The following ATXN1 variants were observed in gnomAD, a reference collection of about 807,000 sequenced individuals.
ATXN1 encodes ataxin 1.
A neutral mutation model predicts 56.4 loss-of-function variants in ATXN1; 8 were observed. The ratio of observed to expected loss-of-function variants is 0.14; its 90% CI spans 0.08 to 0.26. The LOEUF is 0.26. Ranked by LOEUF, ATXN1 falls within the 10% of genes least tolerant of loss-of-function variation. The probability of loss-of-function intolerance (pLI) is 1.00; values close to 1 mark genes in which losing one functional copy is unlikely to be tolerated. For missense variants in ATXN1, 987 were observed against 1,106.5 expected (o/e 0.89, Z 1.53); for synonymous variants, 514 against 494.6 (o/e 1.04, Z -0.52).
Position 16,442,441 on chromosome 6 carries a change from C to T in ATXN1, c.-161+43531G>A, listed in dbSNP as rs569373153. 1.3e-4 allele frequency among the ~76,000 whole-genome samples: 19 copies of T among 151,114 alleles called. No homozygotes were observed. In the South Asian group the frequency reaches 3.3e-3, roughly 27 times the overall value. ...GAAACAATATTACATATAGCCAGAACGATATAATGACTATGTGCCCTGACA... is the reference window on the plus strand; with the variant it reads ...GAAACAATATTACATATAGCCAGAATGATATAATGACTATGTGCCCTGACA... On this transcript the variant is annotated intron_variant, in intron 6 of 7. Transcript: ENST00000436367.
At chr6:16,451,791 A>T (rs1759759146) in intron 6 of ATXN1, among the ~76,000 whole-genome samples, 1 of 152,148 alleles carries the variant, frequency 6.6e-6, no homozygotes, top group African/African-American at 2.4e-5. Flanking sequence ...TATAGTTGAA[A>T]GAAACGTGGA....
At position 16,584,243 on chromosome 6, in the gene ATXN1, TACACACACAC is replaced by T. The variant is rs368108414; in HGVS notation, c.-361+1527_-361+1536del. Among the ~76,000 whole-genome samples, 165 of 118,508 alleles carry T rather than the reference TACACACACAC, an allele frequency of 1.4e-3. 2 individuals carry two copies. The highest frequency in any genetic ancestry group is 5.2e-3 in the African/African-American group (157 of 30,298). The allele number at this position is 118,508 out of a possible 152,430, so 77.7% of individuals were successfully genotyped here. ...TTGGACATATATATATATATATATA[TACACACACAC>T]ACACACACACACACACACATATACA... On this transcript the variant is annotated intron_variant, in intron 4 of 7. Coordinates refer to ENST00000436367, the MANE Select transcript of ATXN1 (RefSeq NM_001128164.2).
chr6:16,454,093 C>A (rs914103441), intron 6 of ATXN1, among the ~76,000 whole-genome samples: 1 of 135,806 alleles, frequency 7.4e-6, no homozygotes, highest in Non-Finnish European at 1.5e-5. Context: ...TGGCTGGACT[C>A]CAGCCTGGGC....
chr6:16,692,591 T>C (rs1396107108), intron 2 of ATXN1, among the ~76,000 whole-genome samples: 1 of 152,212 alleles, frequency 6.6e-6, no homozygotes, highest in African/African-American at 2.4e-5. Context: ...AAACATTTCA[T>C]ATAATTTTGG....
At chr6:16,696,493 G>T (rs1359067) in intron 2 of ATXN1, among the ~76,000 whole-genome samples, 103,162 of 152,062 alleles carry the variant, frequency 0.68, 35,152 homozygotes, top group African/African-American at 0.76. Flanking sequence ...GATTTCTGCC[G>T]GAAAATGTTG....
intron 3 of ATXN1, among the ~76,000 whole-genome samples, chr6:16,636,938 C>T (rs991771594): frequency 1.3e-5 from 2 of 152,136 alleles, no homozygotes; most frequent in African/African-American, 2.4e-5. Context: ...GACAGTGTGG[C>T]GATTCCTCAA....
intron 6 of ATXN1, among the ~76,000 whole-genome samples, chr6:16,417,059 T>G (rs1438232261): frequency 6.6e-6 from 1 of 152,282 alleles, no homozygotes; most frequent in Non-Finnish European, 1.5e-5. Context: ...AGAGATGAGG[T>G]TTTGCTCTGT....
chr6:16,671,518 T>C (rs1758541978), intron 2 of ATXN1, among the ~76,000 whole-genome samples: 1 of 152,176 alleles, frequency 6.6e-6, no homozygotes, highest in African/African-American at 2.4e-5. Flanking sequence ...ACAGTTAACA[T>C]TTATTGAGCA....
chr6:16,354,766 C>G (rs1561864656), intron 6 of ATXN1, among the ~76,000 whole-genome samples: 1 of 152,192 alleles, frequency 6.6e-6, no homozygotes, highest in African/African-American at 2.4e-5. Context: ...TGCCTGACAT[C>G]CTCTCTGGGT....
In ATXN1 at chr6:16,301,901, T is replaced by C. The variant is rs1034053223; in HGVS notation, c.*4428A>G. On this transcript the variant is annotated 3_prime_UTR_variant, in exon 8 of 8. Transcript: ENST00000436367. ...TCTCTATGAAAGAAATAGGTTTCCTTAGTAGTCACAGATGTTAAAGGGTAT... is the reference window on the plus strand; with the variant it reads ...TCTCTATGAAAGAAATAGGTTTCCTCAGTAGTCACAGATGTTAAAGGGTAT... 2.0e-5 allele frequency: 3 copies of C among 152,786 alleles called. No homozygotes were observed. Among genetic ancestry groups the C allele is most frequent in the Non-Finnish European group, 2.9e-5 (2 of 68,078 alleles). 9.5% of individuals were successfully genotyped at this position (152,786 alleles called of 1,614,324 possible).
chr6:16,725,300 G>A (rs988323613), intron 2 of ATXN1, among the ~76,000 whole-genome samples: 1 of 152,164 alleles, frequency 6.6e-6, no homozygotes, highest in Non-Finnish European at 1.5e-5. Flanking sequence ...CCGATACTGC[G>A]TGTTTTCATT....
At chr6:16,635,707 G>C (rs2113814759) in intron 3 of ATXN1, among the ~76,000 whole-genome samples, 1 of 152,314 alleles carries the variant, frequency 6.6e-6, no homozygotes, top group Non-Finnish European at 1.5e-5. Context: ...AAATATGTCT[G>C]AATCTGCAGA....
At chr6:16,431,275 T>C (rs1759278933) in intron 6 of ATXN1, among the ~76,000 whole-genome samples, 2 of 152,200 alleles carry the variant, frequency 1.3e-5, no homozygotes, top group African/African-American at 4.8e-5. Flanking sequence ...ATCTCTTTTA[T>C]TGCAATACCA....
At chr6:16,643,827 GA>G (rs897621893) in intron 3 of ATXN1, among the ~76,000 whole-genome samples, 4 of 150,800 alleles carry the variant, frequency 2.7e-5, no homozygotes, top group Non-Finnish European at 4.4e-5. Context: ...TTATTAAGAA[GA>G]AAAAAAAATC....
intron 2 of ATXN1, among the ~76,000 whole-genome samples, chr6:16,677,888 T>A (rs1427176281): frequency 1.3e-5 from 2 of 152,232 alleles, no homozygotes; most frequent in Non-Finnish European, 2.9e-5. Flanking sequence ...CACTTGAAAT[T>A]GTTTATGCAA....
intron 2 of ATXN1, chr6:16,666,858 T>C (rs1478438697): frequency 3.9e-5 from 6 of 152,300 alleles, no homozygotes; most frequent in Non-Finnish European, 7.3e-5. Flanking sequence ...AGAATCTAGT[T>C]AAAATTTCTT....
chr6:16,515,906 T>C (rs1761174260), intron 5 of ATXN1, among the ~76,000 whole-genome samples: 1 of 152,168 alleles, frequency 6.6e-6, no homozygotes, highest in South Asian at 2.1e-4. Context: ...ATAAAGCTTC[T>C]TAATTTTTAA....
chr6:16,719,814 C>A (rs1266624005), intron 2 of ATXN1, among the ~76,000 whole-genome samples: 3 of 152,112 alleles, frequency 2.0e-5, no homozygotes, highest in African/African-American at 7.2e-5. Context: ...AGTGACGCTG[C>A]CACAAGCCAA....
intron 4 of ATXN1, among the ~76,000 whole-genome samples, chr6:16,547,626 C>G (rs1761837978): frequency 6.6e-6 from 1 of 152,148 alleles, no homozygotes; most frequent in Non-Finnish European, 1.5e-5. Context: ...TGGTTCCTTC[C>G]AGGAGGTGCA....
Sources: allele counts gnomAD v4.1 joint callset (sites outside exome capture counted in the v4.1 genomes callset), GRCh38; gene constraint gnomAD v4.1.1; transcripts MANE v1.5; gene names NCBI Gene and HGNC (gene_info 2026-07-23, HGNC 2026-07-21).